PLPP4: variants seen among roughly 807,000 people sequenced by gnomAD.
PLPP4 encodes the protein phospholipid phosphatase 4.
In PLPP4, 20 loss-of-function variants were observed where a neutral mutation model predicts 32.2. The ratio of observed to expected loss-of-function variants is 0.62; its 90% CI spans 0.44 to 0.90. The LOEUF is 0.90. Ranked by LOEUF, PLPP4 falls within the 40% of genes least tolerant of loss-of-function variation. PLPP4 has a pLI of 0.00. For synonymous variants in PLPP4, 127 were observed against 133.0 expected (o/e 0.95, Z 0.31); for missense variants, 257 against 353.1 (o/e 0.73, Z 2.18).
rs1850004711 is a variant in PLPP4 at position 120,591,998 on chromosome 10, T to C, written c.*2496T>C. ...ATTTTTACAGATCCTTATGTTTCAA[T>C]TTCATGCTCTATTCACGTGAAGTAA... On this transcript the variant is annotated 3_prime_UTR_variant, in exon 7 of 7. Coordinates refer to ENST00000398250, the MANE Select transcript of PLPP4 (RefSeq NM_001030059.3). Among the ~76,000 whole-genome samples the C allele has an allele frequency of 6.6e-6, 1 of 152,220 alleles. No homozygotes were observed. The highest frequency in any genetic ancestry group is 2.4e-5 in the African/African-American group (1 of 41,454).
intron 1 of PLPP4, among the ~76,000 whole-genome samples, chr10:120,495,970 C>T (rs1026008117): frequency 1.1e-4 from 16 of 152,160 alleles, no homozygotes; most frequent in African/African-American, 3.9e-4. Flanking sequence ...GATATGTAGC[C>T]TCAGAGAGGT....
chr10:120,572,911 G>A (rs904184484), intron 5 of PLPP4, among the ~76,000 whole-genome samples: 1 of 152,352 alleles, frequency 6.6e-6, no homozygotes, highest in Non-Finnish European at 1.5e-5. Flanking sequence ...CTAGAGCAGG[G>A]CTGGGCCATG....
chr10:120,510,969 G>A (rs1281718329), intron 2 of PLPP4, among the ~76,000 whole-genome samples: 1 of 152,180 alleles, frequency 6.6e-6, no homozygotes, highest in Non-Finnish European at 1.5e-5. Context: ...ACTCTGGGGT[G>A]GGAACCATGG....
At chr10:120,462,448 G>C (rs1334370496) in intron 1 of PLPP4, among the ~76,000 whole-genome samples, 2 of 152,232 alleles carry the variant, frequency 1.3e-5, no homozygotes, top group African/African-American at 2.4e-5. Context: ...ACTGCACACT[G>C]CTTCGTGGCC....
At chr10:120,589,268 A>C in intron 6 of PLPP4, 35 bp from the exon 7 acceptor site, 1 of 1,586,938 alleles carries the variant, frequency 6.3e-7, no homozygotes. Context: ...AACAAATGGT[A>C]ACCCATTTTT....
At chr10:120,586,127 CTTTTTTTCTT>C (rs1849742116) in intron 6 of PLPP4, among the ~76,000 whole-genome samples, 2 of 99,488 alleles carry the variant, frequency 2.0e-5, no homozygotes, top group South Asian at 2.9e-4. Flanking sequence ...TTTTCTTTTT[CTTTTTTTCTT>C]TTTTTTTTTT....
intron 5 of PLPP4, among the ~76,000 whole-genome samples, chr10:120,550,316 A>G (rs1847831017): frequency 6.6e-6 from 1 of 152,014 alleles, no homozygotes; most frequent in East Asian, 1.9e-4. Flanking sequence ...TGGAAAGTAT[A>G]CCATATTCAT....
upstream of PLPP4, chr10:120,457,007 G>T (rs1847806317): frequency 6.2e-6 from 1 of 162,202 alleles, no homozygotes; most frequent in Non-Finnish European, 1.3e-5. Flanking sequence ...GGAGGCGGAG[G>T]CGGCTCCTGG....
chr10:120,509,825 T>C (rs1845654276), intron 2 of PLPP4, among the ~76,000 whole-genome samples: 1 of 152,250 alleles, frequency 6.6e-6, no homozygotes, highest in South Asian at 2.1e-4. Flanking sequence ...CTATGACTTA[T>C]CTATGACCTG....
intron 5 of PLPP4, among the ~76,000 whole-genome samples, chr10:120,527,636 A>G (rs971971326): frequency 6.6e-6 from 1 of 152,198 alleles, no homozygotes; most frequent in African/African-American, 2.4e-5. Flanking sequence ...AAAGTCACAA[A>G]TACCATCATG....
At chr10:120,490,883 A>T (rs1844689528) in intron 1 of PLPP4, among the ~76,000 whole-genome samples, 1 of 152,196 alleles carries the variant, frequency 6.6e-6, no homozygotes, top group Non-Finnish European at 1.5e-5. Context: ...CTCTCTGTAT[A>T]TTGTGTTTTA....
At chr10:120,487,594 A>G (rs762563561) in intron 1 of PLPP4, among the ~76,000 whole-genome samples, 2 of 152,218 alleles carry the variant, frequency 1.3e-5, no homozygotes, top group Admixed American at 6.5e-5. Context: ...AATAGACAAG[A>G]TAACCTTATA....
At chr10:120,486,219 G>A (rs776395958) in intron 1 of PLPP4, among the ~76,000 whole-genome samples, 13 of 151,300 alleles carry the variant, frequency 8.6e-5, no homozygotes, top group Non-Finnish European at 1.0e-4. Flanking sequence ...GGGCAGCCCC[G>A]TCAACCTCCA....
chr10:120,502,098 G>A (rs1187642337), intron 1 of PLPP4, among the ~76,000 whole-genome samples: 7 of 152,158 alleles, frequency 4.6e-5, no homozygotes, highest in Non-Finnish European at 1.0e-4. Flanking sequence ...GATGCAATAG[G>A]GATTCTGTAA....
At chr10:120,458,678 G>A (rs1847901315) in intron 1 of PLPP4, among the ~76,000 whole-genome samples, 1 of 152,060 alleles carries the variant, frequency 6.6e-6, no homozygotes, top group South Asian at 2.1e-4. Flanking sequence ...TTATTCACTG[G>A]GAAGAAGGAA....
intron 5 of PLPP4, among the ~76,000 whole-genome samples, chr10:120,572,181 G>A (rs968870021): frequency 6.6e-6 from 1 of 152,230 alleles, no homozygotes. Flanking sequence ...CCGTGTGGGA[G>A]AGAATACATT....
intron 6 of PLPP4, among the ~76,000 whole-genome samples, chr10:120,580,044 T>C (rs1366930428): frequency 1.1e-4 from 15 of 137,470 alleles, no homozygotes; most frequent in African/African-American, 3.9e-4. Context: ...GGCGTGAACC[T>C]GGGAGGCAGA....
intron 5 of PLPP4, among the ~76,000 whole-genome samples, chr10:120,541,638 T>C (rs1279100510): frequency 6.6e-6 from 1 of 152,216 alleles, no homozygotes; most frequent in Non-Finnish European, 1.5e-5. Context: ...ACTTATGGTA[T>C]TAATTTGATT....
At chr10:120,546,768 A>G (rs1847645158) in intron 5 of PLPP4, among the ~76,000 whole-genome samples, 1 of 152,204 alleles carries the variant, frequency 6.6e-6, no homozygotes, top group African/African-American at 2.4e-5. Context: ...CAAACTTCCT[A>G]GAAACCTTTG....
Sources: allele counts gnomAD v4.1 joint callset (sites outside exome capture counted in the v4.1 genomes callset), GRCh38; gene constraint gnomAD v4.1.1; transcripts MANE v1.5; gene names NCBI Gene and HGNC (gene_info 2026-07-23, HGNC 2026-07-21).